SORCS1: variants seen among roughly 807,000 people sequenced by gnomAD.
SORCS1 encodes VPS10 domain-containing receptor SorCS1.
In SORCS1, 60 loss-of-function variants were observed where a neutral mutation model predicts 146.1. The observed-to-expected ratio is 0.41, with a 90% CI of 0.33 to 0.51. The LOEUF (loss-of-function observed/expected upper bound fraction) is 0.51, where lower values mean the gene tolerates loss of function less well. SORCS1 is among the 20% of genes least tolerant of loss of function. The probability of loss-of-function intolerance (pLI) is 0.21; values close to 1 mark genes in which losing one functional copy is unlikely to be tolerated. For missense variants in SORCS1, 1,352 were observed against 1,487.6 expected (o/e 0.91, Z 1.50); for synonymous variants, 637 against 584.0 (o/e 1.09, Z -1.31).
At chr10:107,069,552 T>A (rs1390214452) in intron 1 of SORCS1, among the ~76,000 whole-genome samples, 1 of 152,064 alleles carries the variant, frequency 6.6e-6, no homozygotes, top group African/African-American at 2.4e-5. Context: ...ATTTTTGTAT[T>A]TTTGGTAGAG....
At chr10:106,940,915 G>C (rs1238645845) in intron 2 of SORCS1, among the ~76,000 whole-genome samples, 1 of 152,120 alleles carries the variant, frequency 6.6e-6, no homozygotes, top group Non-Finnish European at 1.5e-5. Context: ...ATTATTCTCT[G>C]TGTGGATAGA....
intron 24 of SORCS1, among the ~76,000 whole-genome samples, chr10:106,581,322 TACACACACACAC>T (rs3044191): frequency 5.6e-5 from 8 of 142,446 alleles, no homozygotes; most frequent in South Asian, 2.2e-4. Context: ...TCGTCATACA[TACACACACACAC>T]ACACACACAC....
chr10:106,758,212 T>C (rs1013095026), intron 5 of SORCS1, among the ~76,000 whole-genome samples: 2 of 152,168 alleles, frequency 1.3e-5, no homozygotes, highest in Non-Finnish European at 2.9e-5. Context: ...AAAGAAAATA[T>C]TGCAATTAGC....
intron 1 of SORCS1, among the ~76,000 whole-genome samples, chr10:107,025,952 C>A (rs1958382193): frequency 6.6e-6 from 1 of 152,156 alleles, no homozygotes; most frequent in Non-Finnish European, 1.5e-5. Flanking sequence ...TGAATGTCAG[C>A]CTTGAGAGCT....
At chr10:106,672,072 A>G (rs1250298789) in intron 15 of SORCS1, among the ~76,000 whole-genome samples, 1 of 152,222 alleles carries the variant, frequency 6.6e-6, no homozygotes, top group South Asian at 2.1e-4. Context: ...AGATCAGAGT[A>G]GAATTTTGCT....
Position 106,766,205 on chromosome 10 carries a change from T to G in SORCS1, c.886-4544A>C, listed in dbSNP as rs1051858306. On this transcript the variant is annotated intron_variant, in intron 4 of 25. Coordinates refer to ENST00000263054, the MANE Select transcript of SORCS1 (RefSeq NM_052918.5). ...TCTTTCCTTCTCTCCTCTTAACATT[T>G]TGGAAGCAGGGGGCCTGCAAATTGT... Among the ~76,000 whole-genome samples the G allele has an allele frequency of 7.2e-5, 11 of 152,238 alleles. No individual in the cohort carries two copies. The East Asian group carries it at 2.1e-3, about 29-fold the overall frequency.
At chr10:106,977,208 CTGACT>C (rs1659132178) in intron 1 of SORCS1, among the ~76,000 whole-genome samples, 2 of 152,238 alleles carry the variant, frequency 1.3e-5, no homozygotes, top group African/African-American at 4.8e-5. Context: ...CTATTGTCTC[CTGACT>C]TTTTAATAAT....
chr10:107,005,024 T>A (rs1232484023), intron 1 of SORCS1, among the ~76,000 whole-genome samples: 1 of 152,108 alleles, frequency 6.6e-6, no homozygotes, highest in African/African-American at 2.4e-5. Context: ...TGAAAAACAA[T>A]ATGCCTATAT....
intron 2 of SORCS1, among the ~76,000 whole-genome samples, chr10:106,843,393 C>T (rs1169685438): frequency 6.7e-6 from 1 of 149,710 alleles, no homozygotes; most frequent in African/African-American, 2.5e-5. Context: ...TAATGTTTTC[C>T]AAGTTAATTC....
chr10:106,737,047 G>A (rs1043658036), intron 5 of SORCS1, among the ~76,000 whole-genome samples: 3 of 151,024 alleles, frequency 2.0e-5, no homozygotes, highest in African/African-American at 7.3e-5. Context: ...GTGTGTGTGT[G>A]TGTGTGCATG....
chr10:106,655,025 T>A (rs2135296505), intron 17 of SORCS1, among the ~76,000 whole-genome samples: 1 of 152,224 alleles, frequency 6.6e-6, no homozygotes, highest in Non-Finnish European at 1.5e-5. Flanking sequence ...AATGGCTAAT[T>A]TTTGTATTTT....
chr10:106,700,166 T>C (rs574853452), intron 8 of SORCS1, among the ~76,000 whole-genome samples: 1 of 152,332 alleles, frequency 6.6e-6, no homozygotes, highest in African/African-American at 2.4e-5. Flanking sequence ...TTTCAGAGCC[T>C]GTTTGTCCTG....
intron 1 of SORCS1, among the ~76,000 whole-genome samples, chr10:107,152,200 C>G (rs192829513): frequency 5.9e-5 from 9 of 152,288 alleles, no homozygotes; most frequent in Admixed American, 2.0e-4. Flanking sequence ...AAGACAAGAA[C>G]TGAGGTTTGT....
the SORCS1 span, among the ~76,000 whole-genome samples, chr10:107,170,252 A>G: frequency 6.6e-6 from 1 of 152,212 alleles, no homozygotes; most frequent in Non-Finnish European, 1.5e-5. Context: ...CACGAAACCA[A>G]CTTCATAACA....
At chr10:106,828,054 T>C (rs978079362) in intron 3 of SORCS1, among the ~76,000 whole-genome samples, 2 of 152,230 alleles carry the variant, frequency 1.3e-5, no homozygotes, top group African/African-American at 2.4e-5. Flanking sequence ...GCTAAGCACC[T>C]GAAATGCCTA....
intron 2 of SORCS1, among the ~76,000 whole-genome samples, chr10:106,844,053 T>C (rs755332545): frequency 2.0e-5 from 3 of 152,232 alleles, no homozygotes; most frequent in Non-Finnish European, 4.4e-5. Context: ...TCACTTGTTA[T>C]CTTTTGATAT....
At chr10:106,954,041 A>T (rs1954823162) in intron 2 of SORCS1, among the ~76,000 whole-genome samples, 1 of 152,190 alleles carries the variant, frequency 6.6e-6, no homozygotes. Flanking sequence ...TGAAAAGGAC[A>T]TTCTTCTTAG....
At chr10:106,928,496 C>CT (rs1350630873) in intron 2 of SORCS1, among the ~76,000 whole-genome samples, 1 of 152,240 alleles carries the variant, frequency 6.6e-6, no homozygotes, top group Non-Finnish European at 1.5e-5. Context: ...TCCCTGCAAG[C>CT]TGAGGGAGCC....
intron 9 of SORCS1, among the ~76,000 whole-genome samples, 168 bp downstream of exon 9, chr10:106,699,045 GA>G (rs1284104666): frequency 4.6e-5 from 7 of 152,304 alleles, no homozygotes; most frequent in African/African-American, 1.7e-4. Context: ...ATCTTCTGTG[GA>G]TTGCAAATTA....
Sources: allele counts gnomAD v4.1 joint callset (sites outside exome capture counted in the v4.1 genomes callset), GRCh38; gene constraint gnomAD v4.1.1; transcripts MANE v1.5; gene names NCBI Gene and HGNC (gene_info 2026-07-23, HGNC 2026-07-21).